SPATA13: variants seen among roughly 807,000 people sequenced by gnomAD.
SPATA13 encodes spermatogenesis-associated protein 13.
Under a neutral mutation model 104.0 loss-of-function variants are expected in SPATA13, and 50 were observed. The ratio of observed to expected loss-of-function variants is 0.48; its 90% CI spans 0.38 to 0.61. SPATA13 has a LOEUF of 0.61. Among genes scored for constraint, SPATA13 ranks in the 20% least tolerant of loss-of-function variants. SPATA13 has a pLI of 0.00. For synonymous variants in SPATA13, 606 were observed against 667.5 expected (o/e 0.91, Z 1.42); for missense variants, 1,524 against 1,690.6 (o/e 0.90, Z 1.73).
At chr13:24,162,005 C>T (rs560340738) in intron 1 of SPATA13, among the ~76,000 whole-genome samples, 1 of 152,162 alleles carries the variant, frequency 6.6e-6, no homozygotes, top group Non-Finnish European at 1.5e-5. Flanking sequence ...ACAAATTCTC[C>T]TTTTTTCCTA....
chr13:24,136,828 T>TTATGAGAGATAAGGTCACATGCATTAG (rs1566117257), intron 3 of SPATA13, among the ~76,000 whole-genome samples: 7 of 107,984 alleles, frequency 6.5e-5, no homozygotes, highest in Admixed American at 2.1e-4. Flanking sequence ...TTCTTTATTT[T>TTATGAGAGATAAGGTCACATGCATTAG]ATTTATTTAT....
chr13:24,078,547 A>C (rs1879406512), intron 3 of SPATA13, among the ~76,000 whole-genome samples: 1 of 152,218 alleles, frequency 6.6e-6, no homozygotes, highest in Non-Finnish European at 1.5e-5. Context: ...ATGCTCACTT[A>C]ACCTCTAGAA....
intron 3 of SPATA13, among the ~76,000 whole-genome samples, chr13:24,089,898 C>G (rs775523234): frequency 1.3e-5 from 2 of 152,318 alleles, no homozygotes; most frequent in Non-Finnish European, 2.9e-5. Context: ...TGTCCTGCCG[C>G]TCTGTCCTCT....
chr13:24,119,010 A>T (rs1880947513), intron 3 of SPATA13, among the ~76,000 whole-genome samples: 1 of 150,766 alleles, frequency 6.6e-6, no homozygotes, highest in South Asian at 2.1e-4. Flanking sequence ...GGTTCAAGTG[A>T]TTCTCCTTCC....
At chr13:24,084,688 GCAGGGCCTGTCTT>G (rs976057656) in intron 3 of SPATA13, among the ~76,000 whole-genome samples, 2 of 152,108 alleles carry the variant, frequency 1.3e-5, no homozygotes, top group African/African-American at 4.8e-5. Flanking sequence ...TGAGTAGTTA[GCAGGGCCTGTCTT>G]CAGTGGTTTG....
chr13:24,075,678 A>G (rs1252971891), intron 3 of SPATA13, among the ~76,000 whole-genome samples: 1 of 152,248 alleles, frequency 6.6e-6, no homozygotes, highest in Non-Finnish European at 1.5e-5. Context: ...TCAAAGAAAC[A>G]TGACTGTTGT....
At chr13:24,132,402 G>A (rs1566115450) in intron 3 of SPATA13, among the ~76,000 whole-genome samples, 1 of 152,162 alleles carries the variant, frequency 6.6e-6, no homozygotes, top group African/African-American at 2.4e-5. Flanking sequence ...ATCAGACCCT[G>A]GACAGAAGGC....
At chr13:24,291,494 C>T (rs924430552) in intron 9 of SPATA13, among the ~76,000 whole-genome samples, 3 of 152,194 alleles carry the variant, frequency 2.0e-5, no homozygotes, top group Admixed American at 6.5e-5. Context: ...CTGAGAAGAC[C>T]AGGGCATTGG....
intron 1 of SPATA13, among the ~76,000 whole-genome samples, chr13:24,162,736 T>G (rs1882556595): frequency 1.3e-5 from 2 of 152,224 alleles, no homozygotes; most frequent in Non-Finnish European, 2.9e-5. Flanking sequence ...GATCTACTAC[T>G]GTCCCCATTT....
chr13:23,999,060 G>A (rs1217203794), intron 2 of SPATA13, among the ~76,000 whole-genome samples: 2 of 151,906 alleles, frequency 1.3e-5, no homozygotes, highest in African/African-American at 4.8e-5. Flanking sequence ...CAAGTAGCTG[G>A]GATTACAGGC....
chr13:24,072,627 T>C (rs539610759), intron 3 of SPATA13, among the ~76,000 whole-genome samples: 1 of 152,304 alleles, frequency 6.6e-6, no homozygotes, highest in African/African-American at 2.4e-5. Flanking sequence ...TTTCATTGAA[T>C]CTGCCTTCTG....
intron 3 of SPATA13, among the ~76,000 whole-genome samples, chr13:24,154,212 C>T (rs4347484): frequency 2.6e-5 from 4 of 152,122 alleles, no homozygotes; most frequent in South Asian, 2.1e-4. Context: ...AAATACCCAA[C>T]AAGAGTGTGA....
At chr13:23,981,009 A>C (rs987808172) in intron 1 of SPATA13, among the ~76,000 whole-genome samples, 1 of 152,200 alleles carries the variant, frequency 6.6e-6, no homozygotes, top group East Asian at 1.9e-4. Context: ...GGATCCACGA[A>C]ACGAATTGTT....
At chr13:24,209,924 G>A (rs116863170) in intron 1 of SPATA13, among the ~76,000 whole-genome samples, 277 of 152,174 alleles carry the variant, frequency 1.8e-3, no homozygotes, top group East Asian at 5.8e-3. Flanking sequence ...CCTTACCACC[G>A]CTTGTAACCT....
chr13:24,150,321 A>T (rs1421556813), intron 3 of SPATA13, among the ~76,000 whole-genome samples: 11 of 152,170 alleles, frequency 7.2e-5, no homozygotes, highest in African/African-American at 2.7e-4. Context: ...AGCTCCTGCC[A>T]GTCCCCTAGA....
At chr13:24,259,492 G>A (rs1012530194) in intron 4 of SPATA13, among the ~76,000 whole-genome samples, 1 of 152,194 alleles carries the variant, frequency 6.6e-6, no homozygotes, top group African/African-American at 2.4e-5. Context: ...AGTACAATTG[G>A]GGATTATCAT....
intron 3 of SPATA13, among the ~76,000 whole-genome samples, chr13:24,019,339 C>T (rs1249814043): frequency 3.9e-5 from 6 of 152,004 alleles, no homozygotes; most frequent in East Asian, 1.9e-4. Context: ...CCGCCCGCCT[C>T]GGCCTCCCAA....
intron 3 of SPATA13, among the ~76,000 whole-genome samples, chr13:24,104,361 A>G (rs1309007256): frequency 6.6e-6 from 1 of 152,168 alleles, no homozygotes; most frequent in Non-Finnish European, 1.5e-5. Context: ...TGAAAAAGCA[A>G]TTTAGCCCAC....
At chr13:24,042,737 G>T (rs1048608562) in intron 3 of SPATA13, among the ~76,000 whole-genome samples, 5 of 152,212 alleles carry the variant, frequency 3.3e-5, no homozygotes, top group Non-Finnish European at 7.3e-5. Flanking sequence ...AAATCCCTAA[G>T]TGTGAATCCC....
Sources: gnomAD v4.1 joint callset for allele counts (sites outside exome capture counted in the v4.1 genomes callset) on GRCh38, gnomAD v4.1.1 for gene constraint, MANE v1.5 for transcripts, NCBI Gene and HGNC (gene_info 2026-07-23, HGNC 2026-07-21) for gene names.